The following NPIPB2 variants were observed in gnomAD, a reference collection of about 807,000 sequenced individuals.
NPIPB2 encodes the protein nuclear pore complex-interacting protein family member B2.
In NPIPB2, 27 loss-of-function variants were observed where a neutral mutation model predicts 30.8. The ratio of observed to expected loss-of-function variants is 0.88; its 90% CI spans 0.65 to 1.21. The LOEUF is 1.21. NPIPB2 is among the 50% of genes most tolerant of loss of function. The pLI, the probability that NPIPB2 is intolerant of heterozygous loss-of-function variation, is 0.00. For missense variants in NPIPB2, 440 were observed against 446.2 expected (o/e 0.99, Z 0.13); for synonymous variants, 147 against 162.0 (o/e 0.91, Z 0.70).
chr16:11,959,322 C>T (rs1189275207), intron 1 of NPIPB2, among the ~76,000 whole-genome samples: 2 of 152,140 alleles, frequency 1.3e-5, no homozygotes, highest in African/African-American at 4.8e-5. Flanking sequence ...TGGCTCACAC[C>T]TGTAATCCCA....
At chr16:11,967,218 T>A (rs2055201230) in intron 1 of NPIPB2, 2 of 220,412 alleles carry the variant, frequency 9.1e-6, no homozygotes, top group Admixed American at 5.4e-5. Flanking sequence ...GCCAGGATGG[T>A]CTCAAGCTCC....
intron 1 of NPIPB2, among the ~76,000 whole-genome samples, chr16:11,976,280 T>C (rs1441494504): frequency 2.0e-5 from 3 of 152,148 alleles, no homozygotes; most frequent in Non-Finnish European, 2.9e-5. Context: ...GCAGGGGCCT[T>C]GCAATTGCCC....
intron 1 of NPIPB2, among the ~76,000 whole-genome samples, chr16:11,954,907 C>CAA (rs35579156): frequency 0.031 from 4,569 of 145,092 alleles, 101 homozygotes; most frequent in Admixed American, 0.054. Context: ...GACTCTGTCT[C>CAA]AAAAAAAAAA....
intron 1 of NPIPB2, among the ~76,000 whole-genome samples, chr16:11,963,461 C>T (rs1004862764): frequency 6.6e-5 from 10 of 151,716 alleles, no homozygotes; most frequent in African/African-American, 2.4e-4. Flanking sequence ...TGGCAGGTTT[C>T]CTTGGCACAC....
chr16:11,947,040 T>TTATATATATA (rs57486204), upstream of NPIPB2, among the ~76,000 whole-genome samples: 6,771 of 139,594 alleles, frequency 0.049, 200 homozygotes, highest in African/African-American at 0.056. Context: ...ACTATTTGAA[T>TTATATATATA]TATATATATA....
At chr16:11,963,108 G>C (rs1341896266) in intron 1 of NPIPB2, among the ~76,000 whole-genome samples, 1 of 152,076 alleles carries the variant, frequency 6.6e-6, no homozygotes, top group Non-Finnish European at 1.5e-5. Flanking sequence ...ATCCAGGCTA[G>C]GTGGCTCATG....
chr16:11,967,682 C>A, intron 1 of NPIPB2: 1 of 1,614,192 alleles, frequency 6.2e-7, no homozygotes, highest in African/African-American at 1.3e-5. Context: ...CCTGTGAAGA[C>A]TGCATCAAGA....
intron 1 of NPIPB2, among the ~76,000 whole-genome samples, chr16:11,953,812 A>T (rs894638670): frequency 1.4e-5 from 2 of 138,980 alleles, no homozygotes; most frequent in Admixed American, 1.6e-4. Flanking sequence ...AGTAGCTGGG[A>T]TTACAGGCGC....
chr16:11,976,096 C>A (rs1418699470), intron 1 of NPIPB2, among the ~76,000 whole-genome samples: 1 of 152,056 alleles, frequency 6.6e-6, no homozygotes, highest in Non-Finnish European at 1.5e-5. Context: ...CTTCCTCTGG[C>A]CTGCAAGGCC....
At chr16:11,965,434 G>A (rs976760993) in intron 1 of NPIPB2, 2 of 1,614,080 alleles carry the variant, frequency 1.2e-6, no homozygotes, top group Non-Finnish European at 1.7e-6. Context: ...CCTCTAACAT[G>A]TCAGCGTTAT....
At chr16:11,975,343 TTCA>T in intron 1 of NPIPB2, among the ~76,000 whole-genome samples, 1 of 146,744 alleles carries the variant, frequency 6.8e-6, no homozygotes. Context: ...GAGACGGGGT[TTCA>T]CCGTTTTAGC....
chr16:11,946,181 T>C (rs2055007236), upstream of NPIPB2, among the ~76,000 whole-genome samples: 1 of 149,452 alleles, frequency 6.7e-6, no homozygotes, highest in Admixed American at 6.7e-5. Context: ...AGGTCAGGAG[T>C]TCAAGACCAG....
intron 1 of NPIPB2, among the ~76,000 whole-genome samples, chr16:11,972,339 G>A (rs1223237742): frequency 1.3e-5 from 2 of 152,204 alleles, no homozygotes; most frequent in South Asian, 2.1e-4. Flanking sequence ...ACTATGGGAG[G>A]CCGAGGTGGG....
chr16:11,953,541 G>A (rs538362102), intron 1 of NPIPB2, among the ~76,000 whole-genome samples: 24 of 151,910 alleles, frequency 1.6e-4, no homozygotes, highest in Middle Eastern at 3.4e-3. Context: ...TAATAGAGAC[G>A]GAGTTTCCCC....
chr16:11,957,114 T>TC (rs2055118446), intron 1 of NPIPB2, among the ~76,000 whole-genome samples: 1 of 151,408 alleles, frequency 6.6e-6, no homozygotes, highest in Non-Finnish European at 1.5e-5. Flanking sequence ...TGCCTCAGCC[T>TC]CCAAGTGGCT....
rs144831881 is a variant in NPIPB2, at chr16:11,975,736, G to A, written c.-584+832C>T. ...CTCCCCAGTAGCTGGGACTACAGGC[G>A]CACGCCACCATGCCTGGCTAATTTT... On this transcript the variant is annotated intron_variant, in intron 1 of 5. Transcript: ENST00000538896. 3.3e-3 allele frequency among the ~76,000 whole-genome samples: 495 copies of A among 151,998 alleles called. 5 individuals carry two copies. The highest frequency in any genetic ancestry group is 0.011 in the African/African-American group (457 of 41,474).
In NPIPB2 at chr16:11,952,175, C is replaced by CAAA. The variant is rs112970450; in HGVS notation, c.-583-10064_-583-10062dup. Among the ~76,000 whole-genome samples, 261 of 128,836 alleles carry CAAA rather than the reference C, an allele frequency of 2.0e-3. 1 individual carries two copies. The highest frequency in any genetic ancestry group is 5.9e-3 in the African/African-American group (201 of 34,112). The allele number at this position is 128,836 out of a possible 152,430, so 84.5% of individuals were successfully genotyped here. ...CTCAAAAAAAAAAACAAAAACAAAA[C>CAAA]AAAAAAAAAAACAAAGAAAAAAATT... On this transcript the variant is annotated intron_variant, in intron 1 of 5. Transcript: ENST00000538896.
At chr16:11,973,317 T>A (rs2055247319) in intron 1 of NPIPB2, among the ~76,000 whole-genome samples, 1 of 152,162 alleles carries the variant, frequency 6.6e-6, no homozygotes, top group South Asian at 2.1e-4. Context: ...GCGGGCTTCA[T>A]TCAGATGACT....
At chr16:11,967,052 G>C (rs1173965343) in intron 1 of NPIPB2, 1 of 215,022 alleles carries the variant, frequency 4.7e-6, no homozygotes, top group Non-Finnish European at 9.5e-6. Context: ...CCAGGCTGGA[G>C]TGCAGTGGCG....
Sources: gnomAD v4.1 joint callset for allele counts (sites outside exome capture counted in the v4.1 genomes callset) on GRCh38, gnomAD v4.1.1 for gene constraint, MANE v1.5 for transcripts, NCBI Gene and HGNC (gene_info 2026-07-23, HGNC 2026-07-21) for gene names.